Variants in ANKRD62 observed in about 807,000 individuals in gnomAD.
The protein encoded by ANKRD62 is ankyrin repeat domain 62.
In ANKRD62, 61 loss-of-function variants were observed where a neutral mutation model predicts 98.8. That is an observed-to-expected ratio of 0.62 (90% CI 0.50 to 0.76). The LOEUF (loss-of-function observed/expected upper bound fraction) is 0.76. Ranked by LOEUF, ANKRD62 falls within the 30% of genes least tolerant of loss-of-function variation. The pLI is 0.00. For missense variants in ANKRD62, 933 were observed against 1,082.9 expected (o/e 0.86, Z 1.94); for synonymous variants, 341 against 367.9 (o/e 0.93, Z 0.84).
chr18:12,103,096 A>G (rs555860307), intron 6 of ANKRD62, 62 bp from the exon 7 acceptor site: 1 of 1,137,726 alleles, frequency 8.8e-7, no homozygotes. Context: ...TATAAAGACT[A>G]AAGTTTTTAT....
chr18:12,137,326 T>C, the ANKRD62 span, among the ~76,000 whole-genome samples: 3 of 152,302 alleles, frequency 2.0e-5, no homozygotes, highest in East Asian at 1.9e-4. Flanking sequence ...TTGTCTTTGG[T>C]TCTGTTTATA....
chr18:12,137,897 T>A, the ANKRD62 span, among the ~76,000 whole-genome samples: 1 of 152,202 alleles, frequency 6.6e-6, no homozygotes, highest in East Asian at 1.9e-4. Flanking sequence ...TGATATCCCC[T>A]TTGTCATTTT....
chr18:12,161,595 C>T, the ANKRD62 span, among the ~76,000 whole-genome samples: 1 of 152,096 alleles, frequency 6.6e-6, no homozygotes, highest in Non-Finnish European at 1.5e-5. Flanking sequence ...TATAGTCACC[C>T]TGTTGTGCTA....
the ANKRD62 span, among the ~76,000 whole-genome samples, chr18:12,141,196 G>A: frequency 8.5e-3 from 1,300 of 152,358 alleles, 12 homozygotes; most frequent in South Asian, 0.024. Flanking sequence ...TGTTAAGCCC[G>A]TTGGACAAGC....
At chr18:12,099,095 A>G (rs1909245422) in intron 5 of ANKRD62, among the ~76,000 whole-genome samples, 2 of 152,248 alleles carry the variant, frequency 1.3e-5, no homozygotes, top group Admixed American at 6.5e-5. Context: ...GGACTTAACA[A>G]CATTTTCAAA....
the ANKRD62 span, among the ~76,000 whole-genome samples, chr18:12,176,060 C>T: frequency 2.0e-5 from 3 of 151,472 alleles, no homozygotes; most frequent in Non-Finnish European, 4.4e-5. Flanking sequence ...GGCATGGTGG[C>T]GCATGCCTGT....
At chr18:12,100,079 G>A (rs113616358) in intron 6 of ANKRD62, among the ~76,000 whole-genome samples, 1 of 152,170 alleles carries the variant, frequency 6.6e-6, no homozygotes, top group African/African-American at 2.4e-5. Flanking sequence ...TTACAGCTGA[G>A]CCTTGAGTAG....
At chr18:12,140,083 T>G in the ANKRD62 span, among the ~76,000 whole-genome samples, 59 of 152,320 alleles carry the variant, frequency 3.9e-4, no homozygotes, top group African/African-American at 1.3e-3. Context: ...TCTTCACGCT[T>G]CATATCATTC....
At chr18:12,123,811 A>G (rs1568065577) in intron 11 of ANKRD62, among the ~76,000 whole-genome samples, 1 of 152,226 alleles carries the variant, frequency 6.6e-6, no homozygotes, top group Non-Finnish European at 1.5e-5. Flanking sequence ...AGCTAACTCT[A>G]AATGATTCAT....
At chr18:12,137,041 C>G in the ANKRD62 span, among the ~76,000 whole-genome samples, 2 of 152,118 alleles carry the variant, frequency 1.3e-5, no homozygotes, top group Admixed American at 6.6e-5. Flanking sequence ...CCCTTTATTT[C>G]CTTCTCCTGC....
chr18:12,108,489 T>A (rs1053516225), intron 8 of ANKRD62, among the ~76,000 whole-genome samples: 1 of 152,148 alleles, frequency 6.6e-6, no homozygotes, highest in African/African-American at 2.4e-5. Flanking sequence ...TCCCACCAGG[T>A]CTCTCTTCTG....
At chr18:12,105,985 G>A (rs1256829155) in intron 7 of ANKRD62, among the ~76,000 whole-genome samples, 1 of 152,208 alleles carries the variant, frequency 6.6e-6, no homozygotes, top group African/African-American at 2.4e-5. Flanking sequence ...AGGAAGCAAT[G>A]ACTGAGAAGT....
chr18:12,174,100 C>T, the ANKRD62 span, among the ~76,000 whole-genome samples: 8 of 152,166 alleles, frequency 5.3e-5, no homozygotes, highest in Non-Finnish European at 7.4e-5. Context: ...CAAGTTGCTT[C>T]CATTCTCTTC....
the ANKRD62 span, among the ~76,000 whole-genome samples, chr18:12,139,204 G>T: frequency 1.3e-5 from 2 of 152,026 alleles, no homozygotes; most frequent in Non-Finnish European, 2.9e-5. Flanking sequence ...TCCATGTTTC[G>T]TGCTTCCTTC....
the ANKRD62 span, among the ~76,000 whole-genome samples, chr18:12,138,948 A>C: frequency 6.6e-6 from 1 of 152,066 alleles, no homozygotes; most frequent in African/African-American, 2.4e-5. Flanking sequence ...TCTGCACGTG[A>C]GATGGGTTTC....
At chr18:12,121,857 T>C (rs1489403901) in intron 10 of ANKRD62, among the ~76,000 whole-genome samples, 1 of 152,196 alleles carries the variant, frequency 6.6e-6, no homozygotes, top group African/African-American at 2.4e-5. Context: ...CGTTGCTCCC[T>C]CTTGGGTGGA....
the ANKRD62 span, among the ~76,000 whole-genome samples, chr18:12,170,476 T>C: frequency 6.6e-6 from 1 of 152,256 alleles, no homozygotes; most frequent in African/African-American, 2.4e-5. Context: ...CTAATTTTAT[T>C]GCACTGTGGT....
chr18:12,126,523 C>T lies in ANKRD62; in HGVS notation c.2562+140C>T, dbSNP rs566015841. On this transcript the variant is annotated intron_variant, in intron 13 of 13. Transcript: ENST00000587848. ...CGGTTCTGCTATATCACCTTAGAAA[C>T]GGAATTTGTTTCCAGCAAATAAAAG... is the stretch of plus-strand genomic sequence containing the variant. 294 of 957,998 alleles carry T rather than the reference C, an allele frequency of 3.1e-4. 6 individuals are homozygous for T. In the South Asian group the frequency reaches 4.3e-3, roughly 14 times the overall value. The allele number at this position is 957,998 out of a possible 1,614,324, so 59.3% of individuals were successfully genotyped here.
At chr18:12,168,560 A>G in the ANKRD62 span, among the ~76,000 whole-genome samples, 2 of 152,216 alleles carry the variant, frequency 1.3e-5, no homozygotes, top group Non-Finnish European at 2.9e-5. Flanking sequence ...GTTTGAAGTC[A>G]GGTAGCATGA....
Sources: allele counts gnomAD v4.1 joint callset (sites outside exome capture counted in the v4.1 genomes callset), GRCh38; gene constraint gnomAD v4.1.1; transcripts MANE v1.5; gene names NCBI Gene and HGNC (gene_info 2026-07-23, HGNC 2026-07-21).